SEC24A: variants seen among roughly 807,000 people sequenced by gnomAD.
The protein encoded by SEC24A is protein transport protein Sec24A.
SEC24A carries 93 observed loss-of-function variants against 129.4 expected under a neutral mutation model. The observed-to-expected ratio is 0.72, with a 90% CI of 0.61 to 0.85. The LOEUF (loss-of-function observed/expected upper bound fraction) is 0.85, where lower values mean the gene tolerates loss of function less well. Among genes scored for constraint, SEC24A ranks in the 40% least tolerant of loss-of-function variants. SEC24A has a pLI of 0.00. For synonymous variants in SEC24A, 460 were observed against 467.3 expected (o/e 0.98, Z 0.20); for missense variants, 1,264 against 1,307.4 (o/e 0.97, Z 0.51).
intron 8 of SEC24A, among the ~76,000 whole-genome samples, chr5:134,680,494 G>A (rs534487163): frequency 4.0e-5 from 6 of 151,200 alleles, no homozygotes; most frequent in Admixed American, 3.3e-4. Flanking sequence ...CACCACGGCC[G>A]GCTAATTTTT....
intron 1 of SEC24A, among the ~76,000 whole-genome samples, chr5:134,659,294 G>A (rs1049175576): frequency 2.0e-5 from 3 of 151,910 alleles, no homozygotes; most frequent in Non-Finnish European, 4.4e-5. Context: ...GGATGGTCTT[G>A]ATCTCCTGAC....
At chr5:134,724,958 T>C in intron 22 of SEC24A, 22 bp from the exon 23 acceptor site, 1 of 1,249,156 alleles carries the variant, frequency 8.0e-7, no homozygotes, top group Non-Finnish European at 1.2e-6. Flanking sequence ...TTATCTAAAT[T>C]TTTTTGCCTT....
intron 15 of SEC24A, among the ~76,000 whole-genome samples, chr5:134,701,784 C>T (rs1401392925): frequency 6.6e-6 from 1 of 152,154 alleles, no homozygotes; most frequent in Non-Finnish European, 1.5e-5. Context: ...GCTGGGATTA[C>T]AGGTGTGAGC....
chr5:134,706,265 T>C (rs1752158055), intron 17 of SEC24A, among the ~76,000 whole-genome samples: 1 of 152,234 alleles, frequency 6.6e-6, no homozygotes, highest in Non-Finnish European at 1.5e-5. Context: ...TAAAGATCAT[T>C]AGACTTAGAG....
At chr5:134,692,822 T>A (rs1751702626) in intron 12 of SEC24A, 165 bp downstream of exon 12, 1 of 704,406 alleles carries the variant, frequency 1.4e-6, no homozygotes, top group African/African-American at 1.8e-5. Flanking sequence ...AGTTCAACCT[T>A]GAGCTGATCA....
chr5:134,725,820 A>G lies in SEC24A; in HGVS notation c.*726A>G, dbSNP rs188327885. 3 of 152,642 alleles carry G rather than the reference A, an allele frequency of 2.0e-5. No individual in the cohort carries two copies. The highest frequency in any genetic ancestry group is 3.9e-4 in the East Asian group (2 of 5,188). 9.5% of individuals were successfully genotyped at this position (152,642 alleles called of 1,614,324 possible). On this transcript the variant is annotated 3_prime_UTR_variant, in exon 23 of 23. Coordinates refer to ENST00000398844, the MANE Select transcript of SEC24A (RefSeq NM_021982.3). ...GACATACTGTCTTAATCTATAGTGAAAAGAATTTGAGCTGTCTTCATAAAC... is the reference window on the plus strand; with the variant it reads ...GACATACTGTCTTAATCTATAGTGAGAAGAATTTGAGCTGTCTTCATAAAC...
At chr5:134,674,978 C>A in intron 5 of SEC24A, 67 bp from the exon 6 acceptor site, 1 of 1,340,488 alleles carries the variant, frequency 7.5e-7, no homozygotes, top group Non-Finnish European at 1.0e-6. Context: ...TTGTTATTTA[C>A]AGAGAAATTA....
At chr5:134,653,968 G>A (rs1163956523) in intron 1 of SEC24A, among the ~76,000 whole-genome samples, 1 of 151,922 alleles carries the variant, frequency 6.6e-6, no homozygotes, top group Non-Finnish European at 1.5e-5. Context: ...ACCAGGGTAG[G>A]CAACATAGGA....
At chr5:134,702,735 A>C (rs1422267529) in intron 15 of SEC24A, among the ~76,000 whole-genome samples, 1 of 152,044 alleles carries the variant, frequency 6.6e-6, no homozygotes, top group Non-Finnish European at 1.5e-5. Context: ...AGACTGAACA[A>C]ATCACAGTTT....
chr5:134,693,125 G>T, intron 12 of SEC24A: 7 of 1,535,472 alleles, frequency 4.6e-6, no homozygotes, highest in South Asian at 1.2e-5. Flanking sequence ...TGTGTCTGAA[G>T]GGGGGATGTT....
chr5:134,692,795 T>C (rs1751701840), intron 12 of SEC24A, 138 bp downstream of exon 12: 1 of 724,052 alleles, frequency 1.4e-6, no homozygotes, highest in Non-Finnish European at 2.4e-6. Flanking sequence ...CTCTTATAAT[T>C]AGATGAACAG....
intron 4 of SEC24A, among the ~76,000 whole-genome samples, chr5:134,673,754 C>T (rs1226400236): frequency 6.6e-6 from 1 of 152,156 alleles, no homozygotes; most frequent in African/African-American, 2.4e-5. Flanking sequence ...GTCACCACAC[C>T]CAGCCGACAT....
At chr5:134,698,085 C>G (rs1235099010) in intron 15 of SEC24A, 28 bp downstream of exon 15, 1 of 1,577,802 alleles carries the variant, frequency 6.3e-7, no homozygotes, top group East Asian at 2.2e-5. Flanking sequence ...TTGCGTAGGA[C>G]TGAATAATAT....
At chr5:134,712,064 C>A (rs1304927599) in intron 18 of SEC24A, among the ~76,000 whole-genome samples, 1 of 151,724 alleles carries the variant, frequency 6.6e-6, no homozygotes, top group Non-Finnish European at 1.5e-5. Context: ...AACTCCTGAC[C>A]TCAATGATCC....
chr5:134,698,373 G>A (rs1350342565), intron 15 of SEC24A, among the ~76,000 whole-genome samples: 2 of 152,180 alleles, frequency 1.3e-5, no homozygotes, highest in Non-Finnish European at 2.9e-5. Flanking sequence ...GGAGGCCAAG[G>A]CTGGTGGATC....
At chr5:134,692,481 A>G in intron 11 of SEC24A, 121 bp from the exon 12 acceptor site, 1 of 601,838 alleles carries the variant, frequency 1.7e-6, no homozygotes, top group Non-Finnish European at 3.0e-6. Context: ...ACAGTGCTAT[A>G]ATAGTGGAGG....
chr5:134,679,624 G>T lies in SEC24A; in HGVS notation c.1277G>T (p.Ser426Ile). 2 of 1,584,064 alleles carry T rather than the reference G, an allele frequency of 1.3e-6. No homozygotes were observed. Among genetic ancestry groups the T allele is most frequent in the Non-Finnish European group, 8.6e-7 (1 of 1,160,942 alleles). ...DLVQLPVVTS[S>I]TIVRCRSCRT... The stretch of plus-strand genomic sequence containing the variant: ...CAGCAATTGCCTGTGGTTACCTCCA[G>T]TACAATTGTGAGATGCCGTTCATGC... Residue 426 changes from serine to isoleucine, a missense_variant, in exon 8 of 23, where the codon AGT becomes ATT. Physicochemically the swap from Ser to Ile is moderately radical, Grantham distance 142. Transcript: ENST00000398844.
At chr5:134,698,964 C>T (rs1459812633) in intron 15 of SEC24A, among the ~76,000 whole-genome samples, 6 of 151,238 alleles carry the variant, frequency 4.0e-5, no homozygotes, top group African/African-American at 1.2e-4. Flanking sequence ...CTCATTCTGT[C>T]GCCCAGGCTG....
chr5:134,714,589 G>C (rs570000641), intron 18 of SEC24A, among the ~76,000 whole-genome samples: 5 of 152,312 alleles, frequency 3.3e-5, no homozygotes, highest in African/African-American at 1.2e-4. Flanking sequence ...TATCTTCTGC[G>C]AAACCAGTCC....
Sources: allele counts gnomAD v4.1 joint callset (sites outside exome capture counted in the v4.1 genomes callset), GRCh38; gene constraint gnomAD v4.1.1; transcripts MANE v1.5; gene names NCBI Gene and HGNC (gene_info 2026-07-23, HGNC 2026-07-21).